The following CALN1 variants were observed in gnomAD, a reference collection of about 807,000 sequenced individuals.
CALN1 encodes the protein calneuron 1.
Under a neutral mutation model 30.6 loss-of-function variants are expected in CALN1, and 17 were observed. That is an observed-to-expected ratio of 0.56 (90% CI 0.38 to 0.83). The LOEUF is 0.83. Among genes scored for constraint, CALN1 ranks in the 40% least tolerant of loss-of-function variants. CALN1 has a pLI of 0.00. For synonymous variants in CALN1, 156 were observed against 131.4 expected, an observed-to-expected ratio of 1.19 and a Z score of -1.28; for missense variants, 291 against 354.9, an observed-to-expected ratio of 0.82 and a Z score of 1.45.
In CALN1 at chr7:71,783,429, T is replaced by C. The variant is rs1792822765; in HGVS notation, c.*4346A>G. Reference sequence around the variant, plus strand: ...TAATGACTATGGGCCTTTGGAGAAATAGTGTGGCAAAATGACCCAATAGGG... The same window carrying C: ...TAATGACTATGGGCCTTTGGAGAAACAGTGTGGCAAAATGACCCAATAGGG... On this transcript the variant is annotated 3_prime_UTR_variant, in exon 7 of 7. Coordinates refer to ENST00000395275, the MANE Select transcript of CALN1 (RefSeq NM_031468.4). The C allele has an allele frequency of 6.6e-6, 1 of 152,068 alleles. No individual in the cohort carries two copies. The highest frequency in any genetic ancestry group is 1.5e-5 in the Non-Finnish European group (1 of 68,032). The allele number at this position is 152,068 out of a possible 1,614,324, so 9.4% of individuals were successfully genotyped here. A position where few individuals can be genotyped will look rare whatever the true frequency, so the allele number is the denominator to read the frequency against.
At chr7:71,792,368 G>A (rs141315014) in intron 6 of CALN1, among the ~76,000 whole-genome samples, 1 of 152,170 alleles carries the variant, frequency 6.6e-6, no homozygotes. Flanking sequence ...GGTCTCTTAG[G>A]TCTCATCTCA....
At chr7:72,439,221 G>A (rs1000271357) in intron 1 of CALN1, among the ~76,000 whole-genome samples, 3 of 152,048 alleles carry the variant, frequency 2.0e-5, no homozygotes, top group African/African-American at 7.2e-5. Context: ...TTATAGAAAT[G>A]GGGTTTCGCC....
At chr7:71,885,541 C>T (rs898966191) in intron 5 of CALN1, among the ~76,000 whole-genome samples, 39 of 152,354 alleles carry the variant, frequency 2.6e-4, no homozygotes, top group African/African-American at 9.1e-4. Flanking sequence ...ACCGTGGGCA[C>T]ATGTTCTCAG....
chr7:72,080,371 A>C (rs572463255), intron 4 of CALN1, among the ~76,000 whole-genome samples: 1 of 152,238 alleles, frequency 6.6e-6, no homozygotes, highest in South Asian at 2.1e-4. Flanking sequence ...CTTTTGCAAA[A>C]CCCGTGTCAC....
At chr7:72,180,763 G>A (rs969197561) in intron 3 of CALN1, among the ~76,000 whole-genome samples, 3 of 150,646 alleles carry the variant, frequency 2.0e-5, no homozygotes, top group Non-Finnish European at 4.4e-5. Flanking sequence ...CTACCACGCC[G>A]GGCTTGTTTA....
At chr7:71,930,270 G>T (rs1294348699) in intron 5 of CALN1, among the ~76,000 whole-genome samples, 1 of 152,196 alleles carries the variant, frequency 6.6e-6, no homozygotes, top group African/African-American at 2.4e-5. Context: ...AGCCATCCTA[G>T]CAGGATGGTG....
intron 3 of CALN1, among the ~76,000 whole-genome samples, chr7:72,237,131 T>C (rs1414629280): frequency 2.0e-5 from 3 of 152,066 alleles, no homozygotes; most frequent in African/African-American, 4.8e-5. Context: ...ATTACAGGCA[T>C]GTGCCACCAC....
chr7:72,228,275 A>G (rs1793829621), intron 3 of CALN1, among the ~76,000 whole-genome samples: 1 of 151,678 alleles, frequency 6.6e-6, no homozygotes. Flanking sequence ...TTCACTCAAC[A>G]TTCTGTCCTC....
intron 4 of CALN1, among the ~76,000 whole-genome samples, chr7:72,066,452 A>G (rs1461953073): frequency 6.6e-6 from 1 of 152,126 alleles, no homozygotes; most frequent in Non-Finnish European, 1.5e-5. Flanking sequence ...GGTGAAATCC[A>G]GATTCACTCT....
At chr7:72,459,299 C>T in the CALN1 span, among the ~76,000 whole-genome samples, 1 of 152,168 alleles carries the variant, frequency 6.6e-6, no homozygotes, top group Non-Finnish European at 1.5e-5. Context: ...AACAAAATGT[C>T]AACAACCTGT....
At chr7:72,046,868 A>G (rs1048927912) in intron 4 of CALN1, among the ~76,000 whole-genome samples, 3 of 152,010 alleles carry the variant, frequency 2.0e-5, no homozygotes, top group Admixed American at 6.6e-5. Flanking sequence ...TCTCTACAAG[A>G]AATACAAAAA....
intron 1 of CALN1, among the ~76,000 whole-genome samples, chr7:72,407,316 G>T (rs1475938253): frequency 2.0e-5 from 3 of 152,154 alleles, no homozygotes; most frequent in Non-Finnish European, 4.4e-5. Flanking sequence ...CACAGAGCAG[G>T]TGCTACATAT....
intron 3 of CALN1, among the ~76,000 whole-genome samples, chr7:72,271,563 T>TAAAAAAAAAAAA (rs1426004146): frequency 3.9e-5 from 3 of 76,310 alleles, no homozygotes; most frequent in African/African-American, 2.4e-4. Flanking sequence ...TGCCTGCCTT[T>TAAAAAAAAAAAA]TAAAAAAAAA....
intron 4 of CALN1, among the ~76,000 whole-genome samples, chr7:72,025,313 A>C (rs1474850880): frequency 6.6e-6 from 1 of 151,528 alleles, no homozygotes; most frequent in Non-Finnish European, 1.5e-5. Context: ...TCCATCTAAA[A>C]AAATAATAAT....
At chr7:71,852,329 T>C (rs1374427620) in intron 5 of CALN1, among the ~76,000 whole-genome samples, 1 of 152,008 alleles carries the variant, frequency 6.6e-6, no homozygotes, top group African/African-American at 2.4e-5. Flanking sequence ...AGAACAAGTA[T>C]GTATTTAGCT....
chr7:71,842,972 A>T (rs1286433746), intron 5 of CALN1, among the ~76,000 whole-genome samples: 1 of 152,314 alleles, frequency 6.6e-6, no homozygotes, highest in African/African-American at 2.4e-5. Context: ...CAGTGAAGGA[A>T]AATCCTAGAC....
At chr7:71,940,030 C>T (rs1213382118) in intron 5 of CALN1, among the ~76,000 whole-genome samples, 1 of 152,178 alleles carries the variant, frequency 6.6e-6, no homozygotes, top group Admixed American at 6.5e-5. Context: ...GTGTCCCCTC[C>T]TAAACCTTTG....
chr7:72,438,278 C>A (rs1257785707), intron 1 of CALN1, among the ~76,000 whole-genome samples: 1 of 151,930 alleles, frequency 6.6e-6, no homozygotes, highest in African/African-American at 2.4e-5. Flanking sequence ...CTATCCCTGG[C>A]TCATTATTTT....
intron 3 of CALN1, among the ~76,000 whole-genome samples, chr7:72,157,688 T>C (rs575228425): frequency 6.6e-6 from 1 of 152,234 alleles, no homozygotes; most frequent in African/African-American, 2.4e-5. Flanking sequence ...CCAGAAGATA[T>C]GAATTCACCT....
Sources: gnomAD v4.1 joint callset for allele counts (sites outside exome capture counted in the v4.1 genomes callset) on GRCh38, gnomAD v4.1.1 for gene constraint, MANE v1.5 for transcripts, NCBI Gene and HGNC (gene_info 2026-07-23, HGNC 2026-07-21) for gene names.